TOGARAM2: variants seen among roughly 807,000 people sequenced by gnomAD.
TOGARAM2 encodes the protein TOG array regulator of axonemal microtubules protein 2.
In TOGARAM2, 85 loss-of-function variants were observed where a neutral mutation model predicts 93.3. That is an observed-to-expected ratio of 0.91 (90% confidence interval 0.76 to 1.09). TOGARAM2 has a LOEUF of 1.09. Ranked by LOEUF, TOGARAM2 falls within the 50% of genes least tolerant of loss-of-function variation. TOGARAM2 has a pLI of 0.00. For synonymous variants in TOGARAM2, 593 were observed against 552.8 expected, an observed-to-expected ratio of 1.07 and a Z score of -1.02; for missense variants, 1,277 against 1,334.5, an observed-to-expected ratio of 0.96 and a Z score of 0.67.
At position 28,986,262 on chromosome 2, in the gene TOGARAM2, T is replaced by TC. The variant is rs573282878; in HGVS notation, c.-111+4729dup. On this transcript the variant is annotated intron_variant, in intron 1 of 19. Coordinates refer to ENST00000379558, the MANE Select transcript of TOGARAM2 (RefSeq NM_199280.4). Reference sequence around the variant, plus strand: ...AAAACAGCCTAAATAAAACTTTCTCTCCCCCTAGGCTTTCCTATGTCTTTT... The same window carrying TC: ...AAAACAGCCTAAATAAAACTTTCTCTCCCCCCTAGGCTTTCCTATGTCTTTT... Among the ~76,000 whole-genome samples, 929 of 152,154 alleles carry TC rather than the reference T, an allele frequency of 6.1e-3. 8 individuals carry two copies. The highest frequency in any genetic ancestry group is 9.5e-3 in the Non-Finnish European group (647 of 68,002).
At chr2:28,989,542 G>A (rs1473883888) in intron 1 of TOGARAM2, among the ~76,000 whole-genome samples, 4 of 152,082 alleles carry the variant, frequency 2.6e-5, no homozygotes, top group African/African-American at 4.8e-5. Flanking sequence ...GAGACTACAG[G>A]CACAGGCCAC....
At chr2:28,963,685 C>G (rs1285539776) in intron 1 of TOGARAM2, among the ~76,000 whole-genome samples, 1 of 152,182 alleles carries the variant, frequency 6.6e-6, no homozygotes. Context: ...GTGCACCTAG[C>G]TGGTGAAGGT....
chr2:28,987,211 C>T (rs536581056), intron 1 of TOGARAM2, among the ~76,000 whole-genome samples: 23 of 152,202 alleles, frequency 1.5e-4, no homozygotes, highest in Non-Finnish European at 3.1e-4. Flanking sequence ...TACATTGCCC[C>T]GGGCGCAAAG....
chr2:29,045,736 G>A (rs1004917187), intron 19 of TOGARAM2: 16 of 333,876 alleles, frequency 4.8e-5, no homozygotes, highest in African/African-American at 3.4e-4. Context: ...AAAAGAAAAT[G>A]TACATTGGGG....
chr2:29,031,321 C>A (rs1336996836), intron 14 of TOGARAM2, among the ~76,000 whole-genome samples: 1 of 152,206 alleles, frequency 6.6e-6, no homozygotes, highest in Non-Finnish European at 1.5e-5. Context: ...AGGTGTGCAC[C>A]ACTGTGCCCA....
At chr2:29,030,930 A>G (rs1665730950) in intron 14 of TOGARAM2, among the ~76,000 whole-genome samples, 1 of 152,120 alleles carries the variant, frequency 6.6e-6, no homozygotes, top group African/African-American at 2.4e-5. Context: ...AAATGAACTC[A>G]TTGCCTCCTC....
Position 29,011,520 on chromosome 2 carries a change from C to T in TOGARAM2, c.877+19C>T, listed in dbSNP as rs913943325. The T allele has an allele frequency of 1.6e-5, 26 of 1,596,136 alleles. No individual in the cohort carries two copies. The highest frequency in any genetic ancestry group is 2.7e-5 in the African/African-American group (2 of 73,728). The stretch of plus-strand genomic sequence containing the variant: ...TCTCTGGGTACGTATCTTCCATGCA[C>T]ACCTCCCTTTGTTATTTGACTCTCT... On this transcript the variant is annotated intron_variant, in intron 7 of 19. Coordinates refer to ENST00000379558, the MANE Select transcript of TOGARAM2 (RefSeq NM_199280.4).
At chr2:28,978,695 C>T (rs1672070371), upstream of TOGARAM2, among the ~76,000 whole-genome samples, 2 of 152,116 alleles carry the variant, frequency 1.3e-5, no homozygotes, top group African/African-American at 4.8e-5. Context: ...GCCCTCTTCC[C>T]AGCTTGTGAT....
intron 1 of TOGARAM2, among the ~76,000 whole-genome samples, chr2:28,975,526 T>C (rs1298425576): frequency 6.6e-6 from 1 of 152,198 alleles, no homozygotes; most frequent in South Asian, 2.1e-4. Context: ...TAATGTGTTT[T>C]AAGCACGTTC....
intron 16 of TOGARAM2, among the ~76,000 whole-genome samples, chr2:29,034,442 G>C (rs1012000701): frequency 3.3e-5 from 5 of 152,172 alleles, no homozygotes; most frequent in Admixed American, 6.5e-5. Context: ...ATCTTCCCTT[G>C]GTCTGTGAGC....
intron 18 of TOGARAM2, among the ~76,000 whole-genome samples, chr2:29,040,614 C>T (rs939259944): frequency 2.6e-5 from 4 of 152,172 alleles, no homozygotes; most frequent in Non-Finnish European, 4.4e-5. Context: ...CATCTGAGCT[C>T]CCGACCTTCC....
intron 1 of TOGARAM2, chr2:28,971,147 C>G (rs915010213): frequency 6.6e-6 from 1 of 152,196 alleles, no homozygotes; most frequent in Non-Finnish European, 1.5e-5. Flanking sequence ...AAGTATTTGT[C>G]AATCACATTC....
chr2:29,034,518 A>C (rs1014992209), intron 16 of TOGARAM2, among the ~76,000 whole-genome samples: 3 of 152,192 alleles, frequency 2.0e-5, no homozygotes, highest in Non-Finnish European at 4.4e-5. Context: ...CTTGGCTCTC[A>C]GTAGACAATG....
At chr2:29,001,138 C>T (rs1226647148) in intron 4 of TOGARAM2, among the ~76,000 whole-genome samples, 1 of 152,020 alleles carries the variant, frequency 6.6e-6, no homozygotes, top group East Asian at 1.9e-4. Context: ...TCCTCTGTGC[C>T]CTGACCCAGC....
chr2:28,978,206 C>T (rs189372262), upstream of TOGARAM2, among the ~76,000 whole-genome samples: 8 of 152,114 alleles, frequency 5.3e-5, no homozygotes, highest in East Asian at 5.8e-4. Flanking sequence ...CGTGCCCGGC[C>T]GGAGATGGGT....
chr2:29,051,777 C>A lies in TOGARAM2; in HGVS notation c.2744C>A (p.Pro915His), dbSNP rs1446822091. 2.0e-6 allele frequency: 3 copies of A among 1,524,410 alleles called. No individual in the cohort carries two copies. The Admixed American group carries it at 6.0e-5, about 30-fold the overall frequency. The allele number at this position is 1,524,410 out of a possible 1,614,324, so 94.4% of individuals were successfully genotyped here. A position where few individuals can be genotyped will look rare whatever the true frequency, so the allele number is the denominator to read the frequency against. The change falls in exon 20 of 20, where the codon CCC (proline) becomes CAC (histidine). Residue 915 changes from proline to histidine, a missense_variant. Transcript: ENST00000379558. ...ACAGTGCTGGTGGCCTCAGTTTACC[C>A]CCGGAAGCCTCAAGCTGTAGAGCGG... ...RLAVLVASVY[P>H]RKPQAVERHV...
chr2:28,989,925 C>T (rs1439899915), intron 1 of TOGARAM2, among the ~76,000 whole-genome samples: 1 of 152,168 alleles, frequency 6.6e-6, no homozygotes, highest in Non-Finnish European at 1.5e-5. Context: ...TATCTTAGTA[C>T]CTATGGCATG....
Sources: gnomAD v4.1 joint callset for allele counts (sites outside exome capture counted in the v4.1 genomes callset) on GRCh38, gnomAD v4.1.1 for gene constraint, MANE v1.5 for transcripts, NCBI Gene and HGNC (gene_info 2026-07-23, HGNC 2026-07-21) for gene names.